The following PROS1 variants were observed in gnomAD, a reference collection of about 807,000 sequenced individuals.
PROS1 encodes the protein vitamin K-dependent protein S.
A neutral mutation model predicts 75.9 loss-of-function variants in PROS1; 29 were observed. That is an observed-to-expected ratio of 0.38 (90% CI 0.28 to 0.52). The LOEUF is 0.52. Among genes scored for constraint, PROS1 ranks in the 20% least tolerant of loss-of-function variants. The pLI is 0.83. For missense variants in PROS1, 680 were observed against 810.3 expected, an observed-to-expected ratio of 0.84 and a Z score of 1.95; for synonymous variants, 245 against 280.6, an observed-to-expected ratio of 0.87 and a Z score of 1.27.
chr3:93,947,828 A>C (rs528781994), intron 1 of PROS1, among the ~76,000 whole-genome samples: 2 of 152,016 alleles, frequency 1.3e-5, no homozygotes, highest in South Asian at 4.1e-4. Flanking sequence ...CGGCCTCTCA[A>C]AGTTGCTGGA....
At chr3:93,911,624 T>C (rs1375189271) in intron 3 of PROS1, among the ~76,000 whole-genome samples, 1 of 152,164 alleles carries the variant, frequency 6.6e-6, no homozygotes, top group Non-Finnish European at 1.5e-5. Context: ...GCTTCCAAGA[T>C]GGAGCATCTT....
intron 7 of PROS1, 73 bp downstream of exon 7, chr3:93,900,731 A>G (rs1290475265): frequency 1.9e-6 from 3 of 1,592,892 alleles, no homozygotes; most frequent in Non-Finnish European, 2.6e-6. Flanking sequence ...AACAAAGCCA[A>G]TGCTTTTAAA....
At chr3:93,945,787 T>A (rs1709383734) in intron 1 of PROS1, among the ~76,000 whole-genome samples, 1 of 152,106 alleles carries the variant, frequency 6.6e-6, no homozygotes, top group African/African-American at 2.4e-5. Context: ...CTATTCAAAA[T>A]AGTGTTGGAA....
At chr3:93,885,057 A>T (rs1708327056) in intron 11 of PROS1, among the ~76,000 whole-genome samples, 161 bp from the exon 12 acceptor site, 1 of 152,198 alleles carries the variant, frequency 6.6e-6, no homozygotes, top group Admixed American at 6.5e-5. Context: ...TATTCTTCAG[A>T]TGGACAGTCT....
intron 1 of PROS1, among the ~76,000 whole-genome samples, chr3:93,943,563 G>A (rs536285408): frequency 7.9e-5 from 12 of 151,918 alleles, no homozygotes; most frequent in East Asian, 3.9e-4. Flanking sequence ...AATCCCACTC[G>A]AAGCTGCCCT....
At chr3:93,909,448 A>C (rs8178627) in intron 4 of PROS1, among the ~76,000 whole-genome samples, 1 of 151,928 alleles carries the variant, frequency 6.6e-6, no homozygotes, top group South Asian at 2.1e-4. Flanking sequence ...AAAAAAAAAA[A>C]AAAAAAACGT....
intron 1 of PROS1, among the ~76,000 whole-genome samples, chr3:93,950,923 GA>G (rs1216269960): frequency 6.6e-6 from 1 of 152,120 alleles, no homozygotes; most frequent in Non-Finnish European, 1.5e-5. Flanking sequence ...CCATTGCAAA[GA>G]AGCTAAAAAC....
intron 1 of PROS1, among the ~76,000 whole-genome samples, chr3:93,929,193 C>T (rs1037306310): frequency 1.6e-4 from 25 of 152,110 alleles, no homozygotes; most frequent in African/African-American, 5.8e-4. Context: ...AAGAGGGGCA[C>T]AGGATCAGGC....
intron 12 of PROS1, among the ~76,000 whole-genome samples, chr3:93,882,023 AT>A (rs1311734222): frequency 6.6e-6 from 1 of 152,228 alleles, no homozygotes; most frequent in Admixed American, 6.5e-5. Context: ...AATAATTAGA[AT>A]TTATAAATAG....
At chr3:93,927,909 G>GTATATATATA (rs1559941427) in intron 1 of PROS1, among the ~76,000 whole-genome samples, 20 of 136,332 alleles carry the variant, frequency 1.5e-4, no homozygotes, top group African/African-American at 5.4e-4. Flanking sequence ...ATGTGTGTGT[G>GTATATATATA]TGTGTATATA....
At chr3:93,899,015 T>TAGGGA (rs1204666949) in intron 7 of PROS1, among the ~76,000 whole-genome samples, 2 of 151,860 alleles carry the variant, frequency 1.3e-5, no homozygotes, top group Non-Finnish European at 2.9e-5. Context: ...AAAGGAAAGT[T>TAGGGA]AGGGAAGGGA....
intron 1 of PROS1, among the ~76,000 whole-genome samples, chr3:93,938,487 T>C (rs4414894): frequency 6.6e-6 from 1 of 151,952 alleles, no homozygotes; most frequent in Admixed American, 6.5e-5. Flanking sequence ...TCCAGAGACT[T>C]GTCCCCTGTC....
chr3:93,960,277 C>T (rs375225986), intron 1 of PROS1, among the ~76,000 whole-genome samples: 10 of 151,368 alleles, frequency 6.6e-5, no homozygotes, highest in South Asian at 2.1e-4. Context: ...CCTGGGTTCA[C>T]GCCATTCTCC....
chr3:93,879,521 T>A, intron 12 of PROS1, among the ~76,000 whole-genome samples: 1 of 152,232 alleles, frequency 6.6e-6, no homozygotes, highest in South Asian at 2.1e-4. Context: ...GAGTACCATC[T>A]TCCCGTTCTT....
At chr3:93,950,049 C>T (rs1042722198) in intron 1 of PROS1, among the ~76,000 whole-genome samples, 9 of 152,290 alleles carry the variant, frequency 5.9e-5, no homozygotes, top group East Asian at 1.9e-4. Context: ...GCCCATGGCT[C>T]GGAGGGTCCC....
At chr3:93,972,653 A>G (rs948244626) in intron 1 of PROS1, among the ~76,000 whole-genome samples, 5 of 151,418 alleles carry the variant, frequency 3.3e-5, no homozygotes, top group African/African-American at 1.2e-4. Context: ...AGCCTGGCCA[A>G]CATGGTGAAA....
At chr3:93,911,711 T>C (rs1304244018) in intron 3 of PROS1, among the ~76,000 whole-genome samples, 1 of 152,236 alleles carries the variant, frequency 6.6e-6, no homozygotes, top group Non-Finnish European at 1.5e-5. Flanking sequence ...TCTCTTAGCA[T>C]GCTGGTCTTA....
intron 10 of PROS1, among the ~76,000 whole-genome samples, chr3:93,891,198 G>T (rs977062148): frequency 2.0e-5 from 3 of 152,114 alleles, no homozygotes; most frequent in African/African-American, 4.8e-5. Flanking sequence ...AGGCATAAAA[G>T]ATGTCTCTTT....
At chr3:93,901,296 C>G (rs1708589778) in intron 6 of PROS1, among the ~76,000 whole-genome samples, 3 of 152,192 alleles carry the variant, frequency 2.0e-5, no homozygotes, top group Admixed American at 2.0e-4. Context: ...CTCATCTCTT[C>G]TATCTTGTTT....
Sources: allele counts gnomAD v4.1 joint callset (sites outside exome capture counted in the v4.1 genomes callset), GRCh38; gene constraint gnomAD v4.1.1; transcripts MANE v1.5; gene names NCBI Gene and HGNC (gene_info 2026-07-23, HGNC 2026-07-21).